Variants in SLC16A14 observed in about 807,000 individuals in gnomAD.
The protein encoded by SLC16A14 is monocarboxylate transporter 14.
A neutral mutation model predicts 35.8 loss-of-function variants in SLC16A14; 14 were observed. That is an observed-to-expected ratio of 0.39 (90% CI 0.26 to 0.61). The LOEUF (loss-of-function observed/expected upper bound fraction) is 0.61, where lower values mean the gene tolerates loss of function less well. SLC16A14 is among the 20% of genes least tolerant of loss of function. The pLI is 0.51. For synonymous variants in SLC16A14, 248 were observed against 258.9 expected (o/e 0.96, Z 0.40); for missense variants, 533 against 655.0 (o/e 0.81, Z 2.03).
At chr2:230,049,583 A>G (rs980375493) in intron 3 of SLC16A14, among the ~76,000 whole-genome samples, 178 bp downstream of exon 3, 1 of 152,240 alleles carries the variant, frequency 6.6e-6, no homozygotes, top group Non-Finnish European at 1.5e-5. Context: ...CACTTAAGGC[A>G]TATTAAAATG....
At chr2:230,054,493 C>T (rs1258250117) in intron 2 of SLC16A14, among the ~76,000 whole-genome samples, 1 of 152,184 alleles carries the variant, frequency 6.6e-6, no homozygotes, top group African/African-American at 2.4e-5. Flanking sequence ...CCCCTATCTG[C>T]ACCTTTTCTC....
At chr2:230,039,034 C>T (rs1049003029) in intron 4 of SLC16A14, among the ~76,000 whole-genome samples, 9 of 152,088 alleles carry the variant, frequency 5.9e-5, no homozygotes, top group Middle Eastern at 3.4e-3. Context: ...AAACTTCTCC[C>T]ATCAAGAAAC....
Position 230,049,774 on chromosome 2 carries a change from A to G in SLC16A14, c.390T>C (p.Phe130=). Residue 130 remains phenylalanine (F), a synonymous_variant, in exon 3 of 5, where the codon TTT becomes TTC. Coordinates refer to ENST00000295190, the MANE Select transcript of SLC16A14 (RefSeq NM_152527.5). The part of the protein sequence containing the change: ...AANVHYLFIT[F]GVAAGLGSGM... ...CCACATGCTTACCAGCTGCGACTCC[A>G]AAAGTAATGAAGAGATAATGCACGT... is the stretch of plus-strand genomic sequence containing the variant. 1 of 1,613,198 alleles carries G rather than the reference A, an allele frequency of 6.2e-7. No homozygotes were observed. Among genetic ancestry groups the G allele is most frequent in the Non-Finnish European group, 8.5e-7 (1 of 1,179,220 alleles).
chr2:230,067,595 A>G (rs2077812312), intron 1 of SLC16A14, among the ~76,000 whole-genome samples: 1 of 149,934 alleles, frequency 6.7e-6, no homozygotes, highest in African/African-American at 2.5e-5. Context: ...ACAGCCGCAC[A>G]CGCACGCACA....
intron 1 of SLC16A14, among the ~76,000 whole-genome samples, chr2:230,059,832 C>T (rs1172097869): frequency 1.3e-5 from 2 of 152,210 alleles, no homozygotes; most frequent in Non-Finnish European, 2.9e-5. Flanking sequence ...AGCAGAGGAT[C>T]TGGTTCTCAG....
intron 4 of SLC16A14, among the ~76,000 whole-genome samples, chr2:230,040,544 T>A (rs981399341): frequency 2.6e-5 from 4 of 152,170 alleles, no homozygotes; most frequent in Non-Finnish European, 5.9e-5. Context: ...ATTATTATTT[T>A]TTTTTAAAAA....
At position 230,046,576 on chromosome 2, in the gene SLC16A14, C is replaced by A. The variant is rs62191755; in HGVS notation, c.550G>T (p.Ala184Ser). The A allele has an allele frequency of 0.02, 32,020 of 1,614,134 alleles. 400 individuals are homozygous for A. Among genetic ancestry groups the A allele is most frequent in the Non-Finnish European group, 0.024 (28,110 of 1,180,036 alleles). ...LMTVLLKYLC[A>S]EYGWRNAMLI... is the part of the protein sequence containing the mutation. ...ATGGCATTCCTCCAGCCGTACTCTG[C>A]GCACAGGTACTTCAGCAGCACAGTC... Residue 184 changes from alanine to serine, a missense_variant, in exon 4 of 5, where the codon GCA becomes TCA. Physicochemically the swap from Ala to Ser is moderately conservative, Grantham distance 99. Transcript: ENST00000295190. This position sits in a 1 kb window ranked among gnomAD's most constrained non-coding sequence, Gnocchi z 5.0.
chr2:230,040,934 C>T (rs2077556034), intron 4 of SLC16A14, among the ~76,000 whole-genome samples: 1 of 152,186 alleles, frequency 6.6e-6, no homozygotes, highest in African/African-American at 2.4e-5. Context: ...AGAGTTCCTA[C>T]AAGCTGCCCT....
chr2:230,066,182 T>C (rs1246346341), intron 1 of SLC16A14, among the ~76,000 whole-genome samples: 1 of 152,106 alleles, frequency 6.6e-6, no homozygotes, highest in East Asian at 1.9e-4. Context: ...TGCGCACCTA[T>C]ACTCACAGCT....
Position 230,046,851 on chromosome 2 carries a change from A to G in SLC16A14, c.404-129T>C. 1 of 1,102,996 alleles carries G rather than the reference A, an allele frequency of 9.1e-7. No homozygotes were observed. Among genetic ancestry groups the G allele is most frequent in the Middle Eastern group, 3.1e-4 (1 of 3,200 alleles). The allele number at this position is 1,102,996 out of a possible 1,614,324, so 68.3% of individuals were successfully genotyped here. On this transcript the variant is annotated intron_variant, in intron 3 of 4. Coordinates refer to ENST00000295190, the MANE Select transcript of SLC16A14 (RefSeq NM_152527.5). This position sits in a 1 kb window ranked among gnomAD's most constrained non-coding sequence, Gnocchi z 5.0. ...TATGCTTTTTATTTCTAACAAAGCA[A>G]TAACACTGATTATTTAAAAAGCAGC...
At chr2:230,045,455 G>T (rs2077596529) in intron 4 of SLC16A14, among the ~76,000 whole-genome samples, 2 of 152,118 alleles carry the variant, frequency 1.3e-5, no homozygotes. Context: ...AGCTACATGG[G>T]AGGCTAAGGC....
chr2:230,043,583 G>A (rs2077577038), intron 4 of SLC16A14, among the ~76,000 whole-genome samples: 1 of 152,190 alleles, frequency 6.6e-6, no homozygotes, highest in Non-Finnish European at 1.5e-5. Flanking sequence ...GGGGAGAGGG[G>A]ACATCTGAAC....
intron 4 of SLC16A14, among the ~76,000 whole-genome samples, chr2:230,044,736 G>T (rs61474039): frequency 9.3e-6 from 1 of 107,034 alleles, no homozygotes; most frequent in African/African-American, 3.4e-5. Flanking sequence ...GTGTGTGTGT[G>T]TATGTGTGTG....
At chr2:230,039,948 G>A (rs1050567962) in intron 4 of SLC16A14, among the ~76,000 whole-genome samples, 8 of 152,130 alleles carry the variant, frequency 5.3e-5, no homozygotes, top group Admixed American at 5.2e-4. Context: ...TAAGCTCCAG[G>A]CTCTGTGATG....
At chr2:230,059,071 C>A (rs776384532) in intron 2 of SLC16A14, 23 bp downstream of exon 2, 1 of 1,558,920 alleles carries the variant, frequency 6.4e-7, no homozygotes, top group Non-Finnish European at 8.7e-7. Flanking sequence ...TTCAGTTTTA[C>A]GACAGGTCAC....
At chr2:230,037,771 G>A (rs991874714) in intron 4 of SLC16A14, among the ~76,000 whole-genome samples, 2 of 151,766 alleles carry the variant, frequency 1.3e-5, no homozygotes, top group East Asian at 1.9e-4. Flanking sequence ...CCGTGCCTAC[G>A]GAGGACTGCA....
chr2:230,059,408 G>A, intron 1 of SLC16A14, 42 bp from the exon 2 acceptor site: 1 of 1,440,534 alleles, frequency 6.9e-7, no homozygotes, highest in Non-Finnish European at 9.4e-7. Context: ...ACATCAAAAG[G>A]AAAAATATCT....
Position 230,046,325 on chromosome 2 carries a change from G to T in SLC16A14, c.801C>A (p.Cys267Ter). The T allele has an allele frequency of 6.2e-7, 1 of 1,614,140 alleles. No individual in the cohort carries two copies. The highest frequency in any genetic ancestry group is 8.5e-7 in the Non-Finnish European group (1 of 1,180,006). Residue 267 changes from cysteine (C) to a stop codon, truncating the protein, a stop_gained, in exon 4 of 5, where the codon TGC becomes TGA. Transcript: ENST00000295190. LOFTEE classifies it high-confidence loss of function. This position sits in a 1 kb window ranked among gnomAD's most constrained non-coding sequence, Gnocchi z 5.0. ...ETLCDLQAQE[C>*]PDQAGHRKNM... Reference sequence around the variant, plus strand: ...TCTTCCTGTGCCCGGCCTGATCGGGGCACTCCTGGGCTTGCAGGTCGCAGA... The same window carrying T: ...TCTTCCTGTGCCCGGCCTGATCGGGTCACTCCTGGGCTTGCAGGTCGCAGA...
intron 1 of SLC16A14, among the ~76,000 whole-genome samples, chr2:230,061,089 G>T (rs559227796): frequency 1.3e-5 from 2 of 152,158 alleles, no homozygotes; most frequent in Admixed American, 1.3e-4. Flanking sequence ...CCCAGCTATG[G>T]CCATGGAGCA....
Sources: allele counts gnomAD v4.1 joint callset (sites outside exome capture counted in the v4.1 genomes callset), GRCh38; gene constraint gnomAD v4.1.1; non-coding constraint Gnocchi (gnomAD v3.1); transcripts MANE v1.5; gene names NCBI Gene and HGNC (gene_info 2026-07-23, HGNC 2026-07-21).